ADGRV1: variants seen among roughly 807,000 people sequenced by gnomAD.
ADGRV1 encodes the protein adhesion G protein-coupled receptor V1.
A neutral mutation model predicts 596.2 loss-of-function variants in ADGRV1; 359 were observed. The observed-to-expected ratio is 0.60, with a 90% CI of 0.55 to 0.66. The LOEUF (loss-of-function observed/expected upper bound fraction) is 0.66, where lower values mean the gene tolerates loss of function less well. ADGRV1 is among the 30% of genes least tolerant of loss of function. The pLI, the probability that ADGRV1 is intolerant of heterozygous loss-of-function variation, is 0.00. For synonymous variants in ADGRV1, 2,681 were observed against 2,679.2 expected (o/e 1.00, Z -0.02); for missense variants, 7,274 against 7,575.6 (o/e 0.96, Z 1.48).
intron 85 of ADGRV1, among the ~76,000 whole-genome samples, chr5:91,002,423 A>G (rs1306913679): frequency 6.6e-6 from 1 of 151,986 alleles, no homozygotes; most frequent in East Asian, 1.9e-4. Flanking sequence ...CTGCAGTGTC[A>G]TTTTGCTTAT....
At chr5:90,572,829 G>A (rs1282379906) in intron 1 of ADGRV1, among the ~76,000 whole-genome samples, 1 of 152,156 alleles carries the variant, frequency 6.6e-6, no homozygotes, top group Non-Finnish European at 1.5e-5. Flanking sequence ...GTAATTGGGG[G>A]AAATTGGAAT....
intron 84 of ADGRV1, among the ~76,000 whole-genome samples, chr5:90,967,846 T>C (rs1404848848): frequency 6.6e-6 from 1 of 152,214 alleles, no homozygotes; most frequent in Admixed American, 6.5e-5. Context: ...ATTGAATATG[T>C]GACCAGAATG....
chr5:90,720,430 G>C (rs914559200), intron 44 of ADGRV1, among the ~76,000 whole-genome samples: 2 of 152,142 alleles, frequency 1.3e-5, no homozygotes, highest in Non-Finnish European at 2.9e-5. Context: ...TATTAGAATG[G>C]TGTTATTAGA....
chr5:90,671,576 TA>T (rs1772473390), intron 21 of ADGRV1, among the ~76,000 whole-genome samples: 1 of 152,250 alleles, frequency 6.6e-6, no homozygotes. Context: ...TGTCGGTTTG[TA>T]GACAAATCCC....
Position 90,784,016 on chromosome 5 carries a change from C to T in ADGRV1, c.13612C>T (p.Leu4538=), listed in dbSNP as rs1199332528. The T allele has an allele frequency of 1.2e-6, 2 of 1,612,930 alleles. No homozygotes were observed. Among genetic ancestry groups the T allele is most frequent in the Non-Finnish European group, 1.7e-6 (2 of 1,179,382 alleles). ...TCCCAATTCCACAATGATTTTATCACTGGTGCTGGAGCGGACTGGAGGACT... is the reference window on the plus strand; with the variant it reads ...TCCCAATTCCACAATGATTTTATCATTGGTGCTGGAGCGGACTGGAGGACT... The part of the protein sequence containing the change: ...ANPNSTMILS[L]VLERTGGLLG... The change falls in exon 67 of 90, where the codon CTG becomes TTG. Residue 4538 remains leucine, a synonymous_variant. Transcript: ENST00000405460.
At chr5:90,815,109 T>G (rs1762776054) in intron 74 of ADGRV1, among the ~76,000 whole-genome samples, 1 of 152,182 alleles carries the variant, frequency 6.6e-6, no homozygotes, top group Non-Finnish European at 1.5e-5. Context: ...AATAGCTTCA[T>G]GGATAGCATA....
chr5:91,125,848 T>A (rs1386677590), intron 87 of ADGRV1, among the ~76,000 whole-genome samples: 4 of 152,220 alleles, frequency 2.6e-5, no homozygotes, highest in African/African-American at 4.8e-5. Flanking sequence ...GTGATTATGT[T>A]CATATTTGAT....
At chr5:90,851,144 A>T (rs370337368) in intron 79 of ADGRV1, among the ~76,000 whole-genome samples, 10,845 of 73,426 alleles carry the variant, frequency 0.15, 635 homozygotes, top group African/African-American at 0.25. Context: ...TGAGAGAGAG[A>T]GAGAGAGAGA....
At chr5:90,807,510 A>G (rs1211537408) in intron 72 of ADGRV1, 92 bp from the exon 73 acceptor site, 4 of 1,242,492 alleles carry the variant, frequency 3.2e-6, no homozygotes, top group African/African-American at 1.5e-5. Flanking sequence ...TGAATTTTGG[A>G]AAAGAAAATA....
intron 83 of ADGRV1, among the ~76,000 whole-genome samples, chr5:90,879,181 G>C (rs1458332376): frequency 6.6e-6 from 1 of 152,184 alleles, no homozygotes; most frequent in Non-Finnish European, 1.5e-5. Flanking sequence ...TCCCCACACA[G>C]GAGCAGAGCC....
intron 27 of ADGRV1, 58 bp from the exon 28 acceptor site, chr5:90,683,528 T>G: frequency 2.2e-6 from 3 of 1,333,966 alleles, no homozygotes; most frequent in Non-Finnish European, 3.0e-6. Flanking sequence ...TTTATAAGCC[T>G]CTAAGTAACT....
At chr5:90,842,001 C>G (rs1463466777) in intron 78 of ADGRV1, among the ~76,000 whole-genome samples, 1 of 152,148 alleles carries the variant, frequency 6.6e-6, no homozygotes, top group Non-Finnish European at 1.5e-5. Flanking sequence ...AATATTATTA[C>G]TTGAATTTTC....
intron 83 of ADGRV1, among the ~76,000 whole-genome samples, chr5:90,922,837 C>G (rs540648556): frequency 1.3e-5 from 2 of 152,180 alleles, no homozygotes; most frequent in African/African-American, 4.8e-5. Context: ...AAATAGCATT[C>G]ATCATATTAA....
chr5:90,572,711 G>C (rs1234349878), intron 1 of ADGRV1, among the ~76,000 whole-genome samples: 1 of 151,970 alleles, frequency 6.6e-6, no homozygotes, highest in Non-Finnish European at 1.5e-5. Context: ...AGAGAAAAAA[G>C]AGTGAATAAT....
chr5:90,753,525 A>G (rs1344374561), intron 53 of ADGRV1, 49 bp from the exon 54 acceptor site: 4 of 1,370,972 alleles, frequency 2.9e-6, no homozygotes, highest in Non-Finnish European at 4.1e-6. Flanking sequence ...TTCTTACTAC[A>G]TAGTGACAAT....
intron 89 of ADGRV1, among the ~76,000 whole-genome samples, chr5:91,158,884 GA>G (rs1221421895): frequency 2.6e-5 from 4 of 151,960 alleles, no homozygotes; most frequent in Non-Finnish European, 5.9e-5. Context: ...TGGATGGATG[GA>G]TGGATGGATG....
chr5:90,640,808 C>A (rs545525869), intron 11 of ADGRV1: 1 of 152,704 alleles, frequency 6.5e-6, no homozygotes, highest in East Asian at 1.9e-4. Flanking sequence ...CCTTTTTCCC[C>A]TTCCCACACT....
intron 72 of ADGRV1, among the ~76,000 whole-genome samples, chr5:90,807,012 C>G (rs1761966772): frequency 6.6e-6 from 1 of 152,010 alleles, no homozygotes; most frequent in Non-Finnish European, 1.5e-5. Context: ...ACCACCATGC[C>G]TGGCTAATTT....
At chr5:90,567,148 C>T (rs1755740989) in intron 1 of ADGRV1, among the ~76,000 whole-genome samples, 1 of 151,856 alleles carries the variant, frequency 6.6e-6, no homozygotes, top group Non-Finnish European at 1.5e-5. Context: ...TTGGATAGAT[C>T]TAATTTGGTT....
Sources: gnomAD v4.1 joint callset for allele counts (sites outside exome capture counted in the v4.1 genomes callset) on GRCh38, gnomAD v4.1.1 for gene constraint, MANE v1.5 for transcripts, NCBI Gene and HGNC (gene_info 2026-07-23, HGNC 2026-07-21) for gene names.